STMN4: variants seen among roughly 807,000 people sequenced by gnomAD.
STMN4 encodes the protein stathmin-4.
In STMN4, 12 loss-of-function variants were observed where a neutral mutation model predicts 29.1. The ratio of observed to expected loss-of-function variants is 0.41; its 90% CI spans 0.26 to 0.67. The LOEUF is 0.67. Among genes scored for constraint, STMN4 ranks in the 30% least tolerant of loss-of-function variants. The pLI is 0.30. For missense variants in STMN4, 181 were observed against 262.8 expected (o/e 0.69, Z 2.15); for synonymous variants, 114 against 105.3 (o/e 1.08, Z -0.51).
Position 27,236,654 on chromosome 8 carries a change from G to T in STMN4, c.*192C>A. The T allele has an allele frequency of 2.2e-6, 1 of 458,290 alleles. No homozygotes were observed. The highest frequency in any genetic ancestry group is 3.8e-6 in the Non-Finnish European group (1 of 264,262). 28.4% of individuals were successfully genotyped at this position (458,290 alleles called of 1,614,324 possible). A position where few individuals can be genotyped will look rare whatever the true frequency, so the allele number is the denominator to read the frequency against. On this transcript the variant is annotated 3_prime_UTR_variant, in exon 7 of 7. Transcript: ENST00000350889. ...CTCTCCCACCCCGTCATTGTTCCCC[G>T]GAAACAAATAGGATGGCTTCACTGG...
chr8:27,239,962 A>AC lies in STMN4; in HGVS notation c.591+8dup. On this transcript the variant is annotated intron_variant, in intron 6 of 6. Transcript: ENST00000350889. ...CCAGGAAACTCCTCTCTAGCCAGGG[A>AC]CCCCTCACCTTCTCTTGCAGCCGTT... is the stretch of plus-strand genomic sequence containing the variant. 6.2e-7 allele frequency: 1 copy of AC among 1,614,034 alleles called. No homozygotes were observed. Among genetic ancestry groups the AC allele is most frequent in the Non-Finnish European group, 8.5e-7 (1 of 1,180,014 alleles).
At chr8:27,253,829 G>T (rs1801861385) in intron 1 of STMN4, among the ~76,000 whole-genome samples, 1 of 151,148 alleles carries the variant, frequency 6.6e-6, no homozygotes, top group Admixed American at 6.6e-5. Flanking sequence ...GTCACCCAGG[G>T]TGGAGTTCAG....
At chr8:27,246,451 C>A (rs922083376) in intron 1 of STMN4, among the ~76,000 whole-genome samples, 1 of 152,188 alleles carries the variant, frequency 6.6e-6, no homozygotes, top group Non-Finnish European at 1.5e-5. Flanking sequence ...GAAATCGAGG[C>A]TCAGGGAAGC....
rs941144856 is a variant in STMN4 at position 27,239,826 on chromosome 8, C to T, written c.591+145G>A. ...ACTTCCCTGATCATCCTTCGGAACT[C>T]TCTAAAGATCCTGCCTAAGAAAAAG... On this transcript the variant is annotated intron_variant, in intron 6 of 6. Coordinates refer to ENST00000350889, the MANE Select transcript of STMN4 (RefSeq NM_030795.4). The T allele has an allele frequency of 3.9e-6, 6 of 1,548,836 alleles. No homozygotes were observed. The Middle Eastern group carries it at 6.7e-4, about 172-fold the overall frequency.
At chr8:27,242,610 G>A in intron 2 of STMN4, 118 bp from the exon 3 acceptor site, 1 of 922,678 alleles carries the variant, frequency 1.1e-6, no homozygotes, top group Non-Finnish European at 1.7e-6. Flanking sequence ...AAACCACGCA[G>A]GCACACGCCA....
chr8:27,249,769 C>T (rs1801732283), intron 1 of STMN4, among the ~76,000 whole-genome samples: 2 of 152,154 alleles, frequency 1.3e-5, no homozygotes, highest in Middle Eastern at 3.2e-3. Flanking sequence ...CAGAAAAGCA[C>T]CAAGTTCTCA....
rs565729671 is a variant in STMN4 at position 27,239,654 on chromosome 8, GTCTATC to G, written c.591+311_591+316del. On this transcript the variant is annotated intron_variant, in intron 6 of 6. Transcript: ENST00000350889. Reference sequence around the variant, plus strand: ...TGAAGCTAGGAATGCATACCTGCTTGTCTATCTCTACTCCTTTGTATTAGACAGGCT... The same window carrying G: ...TGAAGCTAGGAATGCATACCTGCTTGTCTACTCCTTTGTATTAGACAGGCT... 322 of 1,381,780 alleles carry G rather than the reference GTCTATC, an allele frequency of 2.3e-4. 2 individuals are homozygous for G. The African/African-American group carries it at 4.4e-3, about 19-fold the overall frequency. 85.6% of individuals were successfully genotyped at this position (1,381,780 alleles called of 1,614,324 possible).
intron 1 of STMN4, among the ~76,000 whole-genome samples, chr8:27,245,952 T>G (rs1801612678): frequency 6.6e-6 from 1 of 152,240 alleles, no homozygotes; most frequent in Non-Finnish European, 1.5e-5. Flanking sequence ...AGCTTTGCTT[T>G]CAGATGAAGA....
rs1801313720 is a variant in STMN4, at chr8:27,236,512, A to G, written c.*334T>C. ...GCCCTGGTTTTCATCTCTCCTCAAC[A>G]TGGTGCCTGGAGGCTCAATGTCCAG... On this transcript the variant is annotated 3_prime_UTR_variant, in exon 7 of 7. Coordinates refer to ENST00000350889, the MANE Select transcript of STMN4 (RefSeq NM_030795.4). 5.5e-6 allele frequency: 1 copy of G among 183,158 alleles called. No homozygotes were observed. The highest frequency in any genetic ancestry group is 2.4e-5 in the African/African-American group (1 of 42,490). The allele number at this position is 183,158 out of a possible 1,614,324, so 11.3% of individuals were successfully genotyped here.
chr8:27,237,075 G>A (rs1801331136), intron 6 of STMN4, among the ~76,000 whole-genome samples, 170 bp from the exon 7 acceptor site: 1 of 152,208 alleles, frequency 6.6e-6, no homozygotes, highest in African/African-American at 2.4e-5. Context: ...GAGGCTGGCA[G>A]GAGGCAGGGG....
intron 1 of STMN4, among the ~76,000 whole-genome samples, chr8:27,254,377 C>T (rs1008771688): frequency 6.6e-6 from 1 of 152,190 alleles, no homozygotes; most frequent in Non-Finnish European, 1.5e-5. Context: ...TTCATATTCT[C>T]CAGTTTGTTA....
At chr8:27,257,328 G>C (rs573891006) in intron 1 of STMN4, among the ~76,000 whole-genome samples, 1 of 151,906 alleles carries the variant, frequency 6.6e-6, no homozygotes, top group East Asian at 1.9e-4. Flanking sequence ...CCCATCCCTC[G>C]AGCCTCAGCA....
At chr8:27,257,914 G>T (rs973462645) in intron 1 of STMN4, among the ~76,000 whole-genome samples, 20 of 152,174 alleles carry the variant, frequency 1.3e-4, no homozygotes, top group Non-Finnish European at 1.5e-5. Context: ...TGATCAAAAT[G>T]GGAATGGGAG....
chr8:27,245,770 G>C (rs935834161), intron 1 of STMN4, among the ~76,000 whole-genome samples: 1 of 152,238 alleles, frequency 6.6e-6, no homozygotes, highest in African/African-American at 2.4e-5. Flanking sequence ...AGGGATGCCT[G>C]AGAAAGAAGG....
chr8:27,248,475 A>G (rs901233039), intron 1 of STMN4, among the ~76,000 whole-genome samples: 8 of 152,174 alleles, frequency 5.3e-5, no homozygotes. Flanking sequence ...ATGCTAGAAT[A>G]GGAACTGGAA....
At chr8:27,239,866 C>A in intron 6 of STMN4, 105 bp downstream of exon 6, 1 of 1,584,820 alleles carries the variant, frequency 6.3e-7, no homozygotes, top group South Asian at 1.1e-5. Context: ...TGATTTTTGC[C>A]TGAGGCTGCT....
At chr8:27,248,180 C>T (rs118173250) in intron 1 of STMN4, among the ~76,000 whole-genome samples, 1,935 of 152,316 alleles carry the variant, frequency 0.013, 15 homozygotes, top group Non-Finnish European at 0.021. Flanking sequence ...CCTGTGCTGG[C>T]AGGGATTGAT....
At position 27,240,413 on chromosome 8, in the gene STMN4, A is replaced by G. The variant is rs151163532; in HGVS notation, c.400-251T>C. Among the ~76,000 whole-genome samples, 364 of 152,120 alleles carry G rather than the reference A, an allele frequency of 2.4e-3. 2 individuals are homozygous for G. Among genetic ancestry groups the G allele is most frequent in the Non-Finnish European group, 3.9e-3 (263 of 68,018 alleles). ...GCCCTTTTGCTCATTGCCATCATTCATTCATTCATTCACAAACACTAAATG... is the reference window on the plus strand; with the variant it reads ...GCCCTTTTGCTCATTGCCATCATTCGTTCATTCATTCACAAACACTAAATG... On this transcript the variant is annotated intron_variant, in intron 5 of 6. Coordinates refer to ENST00000350889, the MANE Select transcript of STMN4 (RefSeq NM_030795.4).
At chr8:27,242,822 T>C (rs921530591) in intron 2 of STMN4, among the ~76,000 whole-genome samples, 2 of 151,962 alleles carry the variant, frequency 1.3e-5, no homozygotes, top group Non-Finnish European at 2.9e-5. Flanking sequence ...CAGCTCTCCA[T>C]CCCCCAACAT....
Sources: allele counts gnomAD v4.1 joint callset (sites outside exome capture counted in the v4.1 genomes callset), GRCh38; gene constraint gnomAD v4.1.1; transcripts MANE v1.5; gene names NCBI Gene and HGNC (gene_info 2026-07-23, HGNC 2026-07-21).